CAMSAP1: variants seen among roughly 807,000 people sequenced by gnomAD.
CAMSAP1 encodes calmodulin-regulated spectrin-associated protein 1.
A neutral mutation model predicts 143.5 loss-of-function variants in CAMSAP1; 58 were observed. That is an observed-to-expected ratio of 0.40 (90% CI 0.33 to 0.50). The LOEUF is 0.50. Ranked by LOEUF, CAMSAP1 falls within the 20% of genes least tolerant of loss-of-function variation. The probability of loss-of-function intolerance (pLI) is 0.45; values close to 1 mark genes in which losing one functional copy is unlikely to be tolerated. For synonymous variants in CAMSAP1, 945 were observed against 859.3 expected (o/e 1.10, Z -1.74); for missense variants, 1,969 against 2,115.7 (o/e 0.93, Z 1.36).
chr9:135,863,032 T>TA (rs1472301798), intron 4 of CAMSAP1, among the ~76,000 whole-genome samples: 7 of 152,216 alleles, frequency 4.6e-5, no homozygotes, highest in African/African-American at 1.7e-4. Flanking sequence ...TACTGTTACT[T>TA]TTCTGAGTAA....
At chr9:135,879,398 C>T (rs114216722) in intron 3 of CAMSAP1, among the ~76,000 whole-genome samples, 2,112 of 152,144 alleles carry the variant, frequency 0.014, 34 homozygotes, top group African/African-American at 0.045. Context: ...GAAACATACC[C>T]TCTTGCCCAA....
chr9:135,858,390 C>T (rs932329756), intron 5 of CAMSAP1, among the ~76,000 whole-genome samples: 4 of 152,142 alleles, frequency 2.6e-5, no homozygotes, highest in South Asian at 2.1e-4. Context: ...CACCAACTGG[C>T]CCCAGACACT....
intron 1 of CAMSAP1, among the ~76,000 whole-genome samples, chr9:135,885,499 C>G (rs1255441684): frequency 6.6e-6 from 1 of 152,070 alleles, no homozygotes; most frequent in South Asian, 2.1e-4. Flanking sequence ...GGGACAGGCA[C>G]GTAAGTGGAG....
Position 135,818,765 on chromosome 9 carries a change from C to A in CAMSAP1, c.3960-149G>T. On this transcript the variant is annotated intron_variant, in intron 12 of 16. Transcript: ENST00000389532. This position sits in a 1 kb window ranked among gnomAD's most constrained non-coding sequence, Gnocchi z 7.7. ...AGCCTCCACAAGCGGGACACAGAGG[C>A]TGCAAAGGCAGTCCTGCAGATGACC... 8.9e-7 allele frequency: 1 copy of A among 1,124,132 alleles called. No homozygotes were observed. The highest frequency in any genetic ancestry group is 1.2e-6 in the Non-Finnish European group (1 of 807,432). 69.6% of individuals were successfully genotyped at this position (1,124,132 alleles called of 1,614,324 possible).
intron 3 of CAMSAP1, among the ~76,000 whole-genome samples, chr9:135,868,787 T>G (rs905176570): frequency 6.6e-6 from 1 of 152,008 alleles, no homozygotes; most frequent in Non-Finnish European, 1.5e-5. Context: ...TGGCTAATTT[T>G]TTGTGTTTTT....
intron 1 of CAMSAP1, among the ~76,000 whole-genome samples, chr9:135,896,150 T>A (rs542077141): frequency 1.3e-5 from 2 of 152,274 alleles, no homozygotes; most frequent in East Asian, 3.9e-4. Context: ...CATCATTACA[T>A]GCTCTTTACA....
chr9:135,900,502 G>A (rs960433917), intron 1 of CAMSAP1, among the ~76,000 whole-genome samples: 1 of 151,864 alleles, frequency 6.6e-6, no homozygotes, highest in Non-Finnish European at 1.5e-5. Context: ...GACCATCCCG[G>A]CTAACATGGT....
chr9:135,838,607 TAC>T (rs1836217456), intron 7 of CAMSAP1, among the ~76,000 whole-genome samples: 3 of 149,670 alleles, frequency 2.0e-5, no homozygotes, highest in Admixed American at 1.3e-4. Context: ...CTACCCGTTC[TAC>T]AGACACACAT....
At chr9:135,883,453 G>A (rs575911711) in intron 1 of CAMSAP1, among the ~76,000 whole-genome samples, 5 of 152,278 alleles carry the variant, frequency 3.3e-5, no homozygotes, top group South Asian at 4.1e-4. Context: ...TGGGGCTGAG[G>A]GGAAACCAGC....
At chr9:135,896,412 G>T (rs2131018256) in intron 1 of CAMSAP1, among the ~76,000 whole-genome samples, 1 of 152,162 alleles carries the variant, frequency 6.6e-6, no homozygotes, top group East Asian at 1.9e-4. Flanking sequence ...CAGCTAAAAA[G>T]AGGAACAGAC....
At chr9:135,894,570 G>T (rs1321684339) in intron 1 of CAMSAP1, among the ~76,000 whole-genome samples, 1 of 152,192 alleles carries the variant, frequency 6.6e-6, no homozygotes, top group Non-Finnish European at 1.5e-5. Context: ...GGGGACCCAT[G>T]GAAGCCCCAG....
chr9:135,867,400 C>G (rs908154505), intron 3 of CAMSAP1, among the ~76,000 whole-genome samples: 1 of 151,808 alleles, frequency 6.6e-6, no homozygotes, highest in African/African-American at 2.4e-5. Flanking sequence ...ATCCCAGCCA[C>G]TTGGAAGGCT....
At chr9:135,879,393 A>G (rs1420220884) in intron 3 of CAMSAP1, among the ~76,000 whole-genome samples, 1 of 152,062 alleles carries the variant, frequency 6.6e-6, no homozygotes, top group Non-Finnish European at 1.5e-5. Context: ...AAAAAGAAAC[A>G]TACCCTCTTG....
At position 135,882,757 on chromosome 9, in the gene CAMSAP1, C is replaced by T; in HGVS notation, c.423+59G>A. 2.6e-6 allele frequency: 4 copies of T among 1,513,164 alleles called. No homozygotes were observed. Among genetic ancestry groups the T allele is most frequent in the Non-Finnish European group, 3.5e-6 (4 of 1,130,174 alleles). The allele number at this position is 1,513,164 out of a possible 1,614,324, so 93.7% of individuals were successfully genotyped here. On this transcript the variant is annotated intron_variant, in intron 2 of 16. Coordinates refer to ENST00000389532, the MANE Select transcript of CAMSAP1 (RefSeq NM_015447.4). This position sits in a 1 kb window ranked among gnomAD's most constrained non-coding sequence, Gnocchi z 4.9. ...CACCATCCATGCACCAGGTGCGCCA[C>T]ACGAGAGCCCACGGCTCCAGAGGAT...
chr9:135,846,227 C>A (rs1364060410), intron 7 of CAMSAP1, among the ~76,000 whole-genome samples: 1 of 152,104 alleles, frequency 6.6e-6, no homozygotes, highest in African/African-American at 2.4e-5. Context: ...AATAATGCCA[C>A]ACACCTACAA....
Position 135,811,687 on chromosome 9 carries a change from C to A in CAMSAP1, c.4507-76G>T. Reference sequence around the variant, plus strand: ...ATTGCCACGAGTTGGGCTCCCACAGCGGCTCAACCAGCACCGCTCCGTGGG... The same window carrying A: ...ATTGCCACGAGTTGGGCTCCCACAGAGGCTCAACCAGCACCGCTCCGTGGG... On this transcript the variant is annotated intron_variant, in intron 16 of 16. Transcript: ENST00000389532. This position sits in a 1 kb window ranked among gnomAD's most constrained non-coding sequence, Gnocchi z 4.9. 4 of 1,417,684 alleles carry A rather than the reference C, an allele frequency of 2.8e-6. No individual in the cohort carries two copies. In the South Asian group the frequency reaches 4.0e-5, roughly 14 times the overall value. 87.8% of individuals were successfully genotyped at this position (1,417,684 alleles called of 1,614,324 possible). A position where few individuals can be genotyped will look rare whatever the true frequency, so the allele number is the denominator to read the frequency against.
chr9:135,842,933 C>T (rs1836411448), intron 7 of CAMSAP1, among the ~76,000 whole-genome samples: 1 of 152,200 alleles, frequency 6.6e-6, no homozygotes, highest in Admixed American at 6.5e-5. Flanking sequence ...ACTGCATCAA[C>T]TAACGGGCAA....
intron 7 of CAMSAP1, among the ~76,000 whole-genome samples, chr9:135,828,614 A>G (rs553442076): frequency 1.3e-5 from 2 of 152,326 alleles, no homozygotes; most frequent in African/African-American, 4.8e-5. Context: ...AGGCCTGGAG[A>G]ACCTCAAATT....
At position 135,864,062 on chromosome 9, in the gene CAMSAP1, T is replaced by C. The variant is rs1217774313; in HGVS notation, c.667-1454A>G. Among the ~76,000 whole-genome samples, 16 of 152,202 alleles carry C rather than the reference T, an allele frequency of 1.1e-4. 1 individual carries two copies. The highest frequency in any genetic ancestry group is 9.2e-4 in the Admixed American group (14 of 15,288). On this transcript the variant is annotated intron_variant, in intron 4 of 16. Coordinates refer to ENST00000389532, the MANE Select transcript of CAMSAP1 (RefSeq NM_015447.4). ...GTTAGACCTCTAAATCTGTCCGTCTTTCCCAGGCCTTTCCACACTTCTCCT... is the reference window on the plus strand; with the variant it reads ...GTTAGACCTCTAAATCTGTCCGTCTCTCCCAGGCCTTTCCACACTTCTCCT...
Sources: gnomAD v4.1 joint callset for allele counts (sites outside exome capture counted in the v4.1 genomes callset) on GRCh38, gnomAD v4.1.1 for gene constraint, Gnocchi (gnomAD v3.1) non-coding constraint, MANE v1.5 for transcripts, NCBI Gene and HGNC (gene_info 2026-07-23, HGNC 2026-07-21) for gene names.